The following RECK variants were observed in gnomAD, a reference collection of about 807,000 sequenced individuals.
RECK encodes reversion inducing cysteine rich protein with kazal motifs.
Under a neutral mutation model 115.1 loss-of-function variants are expected in RECK, and 69 were observed. That is an observed-to-expected ratio of 0.60 (90% CI 0.49 to 0.73). RECK has a LOEUF of 0.73. Ranked by LOEUF, RECK falls within the 30% of genes least tolerant of loss-of-function variation. RECK has a pLI of 0.00. For missense variants in RECK, 1,047 were observed against 1,203.7 expected, an observed-to-expected ratio of 0.87 and a Z score of 1.93; for synonymous variants, 414 against 419.7, an observed-to-expected ratio of 0.99 and a Z score of 0.17.
In RECK at chr9:36,112,462, C is replaced by T; in HGVS notation, c.2046C>T (p.Cys682=). The change falls in exon 16 of 21, where the codon TGC becomes TGT. Residue 682 remains cysteine (C), a synonymous_variant. Coordinates refer to ENST00000377966, the MANE Select transcript of RECK (RefSeq NM_021111.3). ...MSKDPCNPNP[C]QKNQRCIPKP... ...AGGATCCATGTAATCCTAATCCCTG[C>T]CAAAAAAACCAAAGGTAAGTCAAAT... 2 of 1,613,618 alleles carry T rather than the reference C, an allele frequency of 1.2e-6. No homozygotes were observed. The highest frequency in any genetic ancestry group is 1.7e-6 in the Non-Finnish European group (2 of 1,179,900).
At chr9:36,097,935 A>T (rs971231220) in intron 10 of RECK, among the ~76,000 whole-genome samples, 1 of 152,220 alleles carries the variant, frequency 6.6e-6, no homozygotes, top group African/African-American at 2.4e-5. Flanking sequence ...CAGAAAGACA[A>T]ATACTGCACA....
rs1404314862 is a variant in RECK, at chr9:36,100,558, T to A, written c.1298+15T>A. On this transcript the variant is annotated intron_variant, in intron 11 of 20. Transcript: ENST00000377966. ...ATTATTTGCAAGTAAGTTTCTTTCA[T>A]CCTAACGATTCTCCAGCTTTAGTTC... 7 of 1,584,176 alleles carry A rather than the reference T, an allele frequency of 4.4e-6. No individual in the cohort carries two copies. Among genetic ancestry groups the A allele is most frequent in the African/African-American group, 1.3e-5 (1 of 74,284 alleles).
chr9:36,046,303 T>C (rs890811570), intron 1 of RECK, among the ~76,000 whole-genome samples: 1 of 152,222 alleles, frequency 6.6e-6, no homozygotes, highest in Admixed American at 6.5e-5. Context: ...TCCCTTTTAG[T>C]TGCTCTGAAA....
Position 36,123,027 on chromosome 9 carries a change from G to C in RECK, c.2898G>C (p.Leu966Phe). 1 of 1,613,878 alleles carries C rather than the reference G, an allele frequency of 6.2e-7. No homozygotes were observed. Among genetic ancestry groups the C allele is most frequent in the Non-Finnish European group, 8.5e-7 (1 of 1,179,938 alleles). Residue 966 changes from leucine (L) to phenylalanine (F), a missense_variant, in exon 21 of 21, where the codon TTG becomes TTC. Transcript: ENST00000377966. ...LPLSLGLALH[L>F]LWTYN ...TCAGCTTGGGCCTTGCCTTGCACTT[G>C]CTCTGGACATATAACTGACTGCCCA...
Position 36,083,457 on chromosome 9 carries a change from T to C in RECK, c.532T>C (p.Ser178Pro), listed in dbSNP as rs756604331. Reference protein sequence around the residue: ...IFRTDSSPGPSQIKAVENYCA... With the variant: ...IFRTDSSPGPPQIKAVENYCA... ...TCGAACAGACTCTTCTCCTGGTCCA[T>C]CTCAGATAAAAGCAGTGGAAAATTA... Residue 178 changes from serine (S) to proline (P), a missense_variant, in exon 8 of 21, where the codon TCT (serine) becomes CCT (proline). By Grantham distance (74) the Ser-to-Pro change is moderately conservative. Transcript: ENST00000377966. The C allele has an allele frequency of 6.2e-7, 1 of 1,613,978 alleles. No individual in the cohort carries two copies. The highest frequency in any genetic ancestry group is 1.3e-5 in the African/African-American group (1 of 74,922).
intron 10 of RECK, among the ~76,000 whole-genome samples, chr9:36,099,430 A>G (rs571665482): frequency 2.0e-5 from 3 of 152,366 alleles, no homozygotes; most frequent in Admixed American, 2.0e-4. Flanking sequence ...ACTTTGGAAA[A>G]TAGTTATTTT....
chr9:36,093,588 A>G (rs1160723064), intron 10 of RECK, among the ~76,000 whole-genome samples: 3 of 152,206 alleles, frequency 2.0e-5, no homozygotes, highest in African/African-American at 7.2e-5. Flanking sequence ...GAGATTGCTC[A>G]ATAGAAACTA....
chr9:36,053,337 A>T (rs1055865911), intron 2 of RECK, among the ~76,000 whole-genome samples: 1 of 152,200 alleles, frequency 6.6e-6, no homozygotes, highest in Non-Finnish European at 1.5e-5. Context: ...CATCTTTTAG[A>T]GGAGTCTTCA....
rs560858507 is a variant in RECK, at chr9:36,091,066, G to A, written c.906-98G>A. On this transcript the variant is annotated intron_variant, in intron 9 of 20. Coordinates refer to ENST00000377966, the MANE Select transcript of RECK (RefSeq NM_021111.3). ...TTTTTTTACTTTTTTTCTCACATAC[G>A]TTCCAAAGTATATAGTTCATAGAGT... 5.6e-6 allele frequency: 6 copies of A among 1,069,036 alleles called. No individual in the cohort carries two copies. In the East Asian group the frequency reaches 8.3e-5, roughly 15 times the overall value. 66.2% of individuals were successfully genotyped at this position (1,069,036 alleles called of 1,614,324 possible).
At chr9:36,098,014 G>A (rs531292761) in intron 10 of RECK, among the ~76,000 whole-genome samples, 2 of 152,196 alleles carry the variant, frequency 1.3e-5, no homozygotes, top group African/African-American at 4.8e-5. Context: ...GTGGTTACCA[G>A]AGGGTGGCTG....
At chr9:36,102,336 G>GTATCATT in intron 12 of RECK, 106 bp downstream of exon 12, 2 of 948,376 alleles carry the variant, frequency 2.1e-6, no homozygotes, top group Non-Finnish European at 3.1e-6. Context: ...TGAGAACATG[G>GTATCATT]GATTCAATGA....
Position 36,121,581 on chromosome 9 carries a change from C to A in RECK, c.2587C>A (p.Arg863Ser). 1.2e-6 allele frequency: 2 copies of A among 1,613,930 alleles called. No homozygotes were observed. Among genetic ancestry groups the A allele is most frequent in the Non-Finnish European group, 1.7e-6 (2 of 1,179,888 alleles). ...AGTTCTGGAAATACTTCAGAAAATC[C>A]GCATGCACGTGTCTGTCCCACAGTG... ...ITVLEILQKI[R>S]MHVSVPQCDV... The change falls in exon 20 of 21, where the codon CGC (arginine) becomes AGC (serine). Residue 863 changes from arginine (R) to serine (S), a missense_variant. Coordinates refer to ENST00000377966, the MANE Select transcript of RECK (RefSeq NM_021111.3).
At chr9:36,080,703 T>A (rs2132620215) in intron 7 of RECK, 65 bp downstream of exon 7, 2 of 1,428,772 alleles carry the variant, frequency 1.4e-6, no homozygotes, top group South Asian at 2.3e-5. Flanking sequence ...TGAAGCAATG[T>A]GCACAGCAGG....
intron 7 of RECK, among the ~76,000 whole-genome samples, chr9:36,081,936 AGG>A (rs1190207008): frequency 2.0e-5 from 3 of 152,080 alleles, no homozygotes; most frequent in African/African-American, 7.2e-5. Context: ...GCGGTACAGT[AGG>A]TATGGAATAG....
chr9:36,068,912 G>C (rs1822118229), intron 6 of RECK, among the ~76,000 whole-genome samples: 1 of 152,190 alleles, frequency 6.6e-6, no homozygotes, highest in Non-Finnish European at 1.5e-5. Context: ...TATCAAGTGA[G>C]TGTTTGTAAA....
At chr9:36,054,087 G>A (rs895905968) in intron 2 of RECK, among the ~76,000 whole-genome samples, 3 of 152,182 alleles carry the variant, frequency 2.0e-5, no homozygotes, top group East Asian at 1.9e-4. Flanking sequence ...TGTATCAGGG[G>A]TGTGGAGAGA....
Position 36,117,085 on chromosome 9 carries a change from G to A in RECK, c.2161G>A (p.Asp721Asn). The A allele has an allele frequency of 6.2e-7, 1 of 1,614,200 alleles. No individual in the cohort carries two copies. ...ACAGCTCGCGTGTGACCAGGTCCAAGATCCTGTTTGTGACACAGACCACAT... is the reference window on the plus strand; with the variant it reads ...ACAGCTCGCGTGTGACCAGGTCCAAAATCCTGTTTGTGACACAGACCACAT... ...PRQLACDQVQ[D>N]PVCDTDHMEH... The change falls in exon 17 of 21, where the codon GAT becomes AAT. Residue 721 changes from aspartate to asparagine, a missense_variant. Coordinates refer to ENST00000377966, the MANE Select transcript of RECK (RefSeq NM_021111.3).
chr9:36,063,320 A>G (rs1185027941), intron 4 of RECK, among the ~76,000 whole-genome samples: 2 of 152,204 alleles, frequency 1.3e-5, no homozygotes, highest in Non-Finnish European at 2.9e-5. Context: ...TTTACTAAGT[A>G]TCAGTTTTTA....
chr9:36,092,725 G>A (rs1434279100), intron 10 of RECK, among the ~76,000 whole-genome samples: 2 of 151,706 alleles, frequency 1.3e-5, no homozygotes, highest in African/African-American at 2.4e-5. Context: ...CACACTGAGC[G>A]AAAGCCACAT....
Sources: allele counts gnomAD v4.1 joint callset (sites outside exome capture counted in the v4.1 genomes callset), GRCh38; gene constraint gnomAD v4.1.1; transcripts MANE v1.5; gene names NCBI Gene and HGNC (gene_info 2026-07-23, HGNC 2026-07-21).